ELAVL4: variants seen among roughly 807,000 people sequenced by gnomAD.
The protein encoded by ELAVL4 is ELAV like RNA binding protein 4.
Under a neutral mutation model 35.6 loss-of-function variants are expected in ELAVL4, and 1 was observed. The ratio of observed to expected loss-of-function variants is 0.03; its 90% CI spans 0.01 to 0.13. The LOEUF (loss-of-function observed/expected upper bound fraction) is 0.13, where lower values mean the gene tolerates loss of function less well. ELAVL4 is among the 10% of genes least tolerant of loss of function. The pLI, the probability that ELAVL4 is intolerant of heterozygous loss-of-function variation, is 1.00. For missense variants in ELAVL4, 267 were observed against 464.9 expected (o/e 0.57, Z 3.91); for synonymous variants, 156 against 171.0 (o/e 0.91, Z 0.69).
chr1:50,105,096 T>C (rs1666200778), upstream of ELAVL4, among the ~76,000 whole-genome samples: 1 of 152,234 alleles, frequency 6.6e-6, no homozygotes, highest in Non-Finnish European at 1.5e-5. Flanking sequence ...TTCGGTGTCT[T>C]TACTTTTAAG....
chr1:50,060,636 A>G (rs1206274690), intron 1 of ELAVL4, among the ~76,000 whole-genome samples: 1 of 152,180 alleles, frequency 6.6e-6, no homozygotes, highest in East Asian at 1.9e-4. Flanking sequence ...TGTTCTAACT[A>G]CTGCACTGCC....
chr1:50,113,296 C>T (rs1667392674), intron 1 of ELAVL4, among the ~76,000 whole-genome samples: 1 of 151,788 alleles, frequency 6.6e-6, no homozygotes, highest in African/African-American at 2.4e-5. Context: ...TATATGTAGG[C>T]CAAATACTAT....
At chr1:50,143,408 G>A (rs1673151790) in intron 1 of ELAVL4, among the ~76,000 whole-genome samples, 3 of 152,140 alleles carry the variant, frequency 2.0e-5, no homozygotes, top group Admixed American at 2.0e-4. Flanking sequence ...TTGCCTTCTT[G>A]TGAGGAGACA....
At chr1:50,116,236 GCCT>G (rs1220475288) in intron 1 of ELAVL4, among the ~76,000 whole-genome samples, 1 of 152,072 alleles carries the variant, frequency 6.6e-6, no homozygotes, top group African/African-American at 2.4e-5. Flanking sequence ...CGAATGTCTT[GCCT>G]CCTTGCTTCT....
At position 50,187,174 on chromosome 1, in the gene ELAVL4, G is replaced by A. The variant is rs993029262; in HGVS notation, c.355-6591G>A. Among the ~76,000 whole-genome samples the A allele has an allele frequency of 2.6e-5, 4 of 152,220 alleles. No homozygotes were observed. The East Asian group carries it at 5.8e-4, about 22-fold the overall frequency. Reference sequence around the variant, plus strand: ...GAGAAAAGGGTGTTACAACAGATTGGGGAAAATCTGCAGCCTGATCTTCTG... The same window carrying A: ...GAGAAAAGGGTGTTACAACAGATTGAGGAAAATCTGCAGCCTGATCTTCTG... On this transcript the variant is annotated intron_variant, in intron 3 of 6. Coordinates refer to ENST00000371824, the MANE Select transcript of ELAVL4 (RefSeq NM_001144774.3).
rs569426110 is a variant in ELAVL4 at position 50,094,803 on chromosome 1, G to A, written c.18+46621G>A. On this transcript the variant is annotated intron_variant, in intron 1 of 6. Transcript: ENST00000448907. ...AAATTAGCTGGGCTTGATGGCAGGT[G>A]CCTGTAATCCCAGCTACTGGGGAGG... 1.4e-3 allele frequency among the ~76,000 whole-genome samples: 211 copies of A among 151,326 alleles called. 2 individuals carry two copies. The highest frequency in any genetic ancestry group is 2.3e-3 in the Non-Finnish European group (154 of 67,892).
intron 1 of ELAVL4, among the ~76,000 whole-genome samples, chr1:50,112,569 T>A (rs1220961363): frequency 1.3e-5 from 2 of 152,142 alleles, no homozygotes; most frequent in Non-Finnish European, 2.9e-5. Flanking sequence ...TGTCCATATA[T>A]CTCATAGTAA....
At chr1:50,117,020 C>A (rs979349696) in intron 1 of ELAVL4, among the ~76,000 whole-genome samples, 1 of 152,046 alleles carries the variant, frequency 6.6e-6, no homozygotes, top group African/African-American at 2.4e-5. Context: ...CCAAAGGAAG[C>A]TTTACATAAA....
intron 1 of ELAVL4, among the ~76,000 whole-genome samples, chr1:50,119,084 G>GAAAGAAAGAAAT (rs1668576545): frequency 1.5e-5 from 2 of 133,150 alleles, no homozygotes; most frequent in Non-Finnish European, 3.2e-5. Flanking sequence ...AAGAAAGAAA[G>GAAAGAAAGAAAT]AAAGAAAGAA....
At chr1:50,066,427 TTTCATCATTTCATG>T (rs1487288078) in intron 1 of ELAVL4, among the ~76,000 whole-genome samples, 1 of 152,186 alleles carries the variant, frequency 6.6e-6, no homozygotes, top group African/African-American at 2.4e-5. Context: ...TGTTATTTTC[TTTCATCATTTCATG>T]TTCTACCCAT....
At chr1:50,123,279 A>G (rs1183308458) in intron 1 of ELAVL4, among the ~76,000 whole-genome samples, 2 of 152,168 alleles carry the variant, frequency 1.3e-5, no homozygotes, top group Non-Finnish European at 2.9e-5. Flanking sequence ...ATCCAGCCCA[A>G]TTCAGCAAAT....
chr1:50,071,003 G>C (rs1223338648), intron 1 of ELAVL4, among the ~76,000 whole-genome samples: 1 of 152,024 alleles, frequency 6.6e-6, no homozygotes, highest in African/African-American at 2.4e-5. Context: ...TCTTGCTCTT[G>C]TTCCAGGATG....
At chr1:50,055,799 GGAAAAGTTTTGAA>G (rs1221096629) in intron 1 of ELAVL4, among the ~76,000 whole-genome samples, 1 of 152,126 alleles carries the variant, frequency 6.6e-6, no homozygotes, top group East Asian at 1.9e-4. Flanking sequence ...AACCTTTACA[GGAAAAGTTTTGAA>G]GTTGTGCTGA....
intron 1 of ELAVL4, among the ~76,000 whole-genome samples, chr1:50,083,371 A>C (rs1665095243): frequency 6.6e-6 from 1 of 152,134 alleles, no homozygotes; most frequent in Non-Finnish European, 1.5e-5. Context: ...GGCATTCTAT[A>C]AGACTTTTTA....
chr1:50,197,978 G>A (rs185388513), intron 6 of ELAVL4, among the ~76,000 whole-genome samples: 6 of 152,316 alleles, frequency 3.9e-5, no homozygotes, highest in Admixed American at 3.9e-4. Context: ...CAAACACGTG[G>A]ATGACTTTCT....
At chr1:50,152,429 C>T (rs189467470) in intron 2 of ELAVL4, among the ~76,000 whole-genome samples, 1 of 152,266 alleles carries the variant, frequency 6.6e-6, no homozygotes, top group African/African-American at 2.4e-5. Context: ...CACACACACA[C>T]ACCCACACAT....
intron 1 of ELAVL4, among the ~76,000 whole-genome samples, chr1:50,121,554 T>C (rs1327643316): frequency 2.0e-5 from 3 of 152,074 alleles, no homozygotes; most frequent in Non-Finnish European, 4.4e-5. Flanking sequence ...CCATATGGTG[T>C]TCAATATGTT....
At chr1:50,119,598 T>C (rs950720047) in intron 1 of ELAVL4, among the ~76,000 whole-genome samples, 1 of 152,068 alleles carries the variant, frequency 6.6e-6, no homozygotes, top group Admixed American at 6.6e-5. Context: ...TTAGAACTGC[T>C]TTAGTAAGAA....
intron 1 of ELAVL4, among the ~76,000 whole-genome samples, chr1:50,083,547 A>G (rs967214448): frequency 6.6e-6 from 1 of 152,194 alleles, no homozygotes; most frequent in African/African-American, 2.4e-5. Context: ...ATGAGCATGT[A>G]TCTAACTACC....
Sources: allele counts gnomAD v4.1 joint callset (sites outside exome capture counted in the v4.1 genomes callset), GRCh38; gene constraint gnomAD v4.1.1; transcripts MANE v1.5; gene names NCBI Gene and HGNC (gene_info 2026-07-23, HGNC 2026-07-21).